Variants in TENM3 observed in about 807,000 individuals in gnomAD.
TENM3 encodes the protein teneurin-3.
Under a neutral mutation model 255.1 loss-of-function variants are expected in TENM3, and 63 were observed. That is an observed-to-expected ratio of 0.25 (90% CI 0.20 to 0.30). The LOEUF is 0.30. Ranked by LOEUF, TENM3 falls within the 10% of genes least tolerant of loss-of-function variation. The pLI is 1.00. For synonymous variants in TENM3, 1,306 were observed against 1,322.3 expected (o/e 0.99, Z 0.27); for missense variants, 2,929 against 3,461.1 (o/e 0.85, Z 3.86).
chr4:181,601,989 A>G, the TENM3 span, among the ~76,000 whole-genome samples: 1 of 152,084 alleles, frequency 6.6e-6, no homozygotes, highest in Non-Finnish European at 1.5e-5. Context: ...TGTAGGGTCC[A>G]CCCTAAATCT....
At chr4:182,413,208 G>T (rs1001970125) in intron 3 of TENM3, among the ~76,000 whole-genome samples, 1 of 152,100 alleles carries the variant, frequency 6.6e-6, no homozygotes, top group East Asian at 1.9e-4. Context: ...AATGGTTAAG[G>T]ATTTTTCAGA....
the TENM3 span, among the ~76,000 whole-genome samples, chr4:181,502,725 AGGAGT>A: frequency 6.6e-6 from 1 of 152,036 alleles, no homozygotes; most frequent in African/African-American, 2.4e-5. Context: ...AGAGGGAAGA[AGGAGT>A]GTAGCTAAGC....
chr4:181,970,978 C>T, the TENM3 span, among the ~76,000 whole-genome samples: 2 of 152,002 alleles, frequency 1.3e-5, no homozygotes, highest in Non-Finnish European at 2.9e-5. Flanking sequence ...GAAGGGGTCT[C>T]ACTCTATTGT....
intron 3 of TENM3, among the ~76,000 whole-genome samples, chr4:182,369,113 G>T (rs151016803): frequency 0.011 from 1,730 of 152,260 alleles, 18 homozygotes; most frequent in Non-Finnish European, 0.016. Flanking sequence ...AATTGCTAAG[G>T]ATTTTGGATG....
chr4:181,502,442 G>T, the TENM3 span, among the ~76,000 whole-genome samples: 18 of 152,202 alleles, frequency 1.2e-4, no homozygotes, highest in African/African-American at 4.1e-4. Context: ...CTTAATGGGA[G>T]GGTCTGGAGT....
intron 13 of TENM3, among the ~76,000 whole-genome samples, chr4:182,723,696 G>A (rs1192113122): frequency 2.6e-5 from 4 of 152,182 alleles, no homozygotes; most frequent in African/African-American, 7.2e-5. Flanking sequence ...AATCAAGAGT[G>A]ATGTGTAAAG....
At chr4:182,325,249 A>C (rs1004603354) in intron 2 of TENM3, among the ~76,000 whole-genome samples, 5 of 152,258 alleles carry the variant, frequency 3.3e-5, no homozygotes, top group Non-Finnish European at 5.9e-5. Flanking sequence ...GGGCAGGAAC[A>C]CATTTAAGAA....
chr4:182,410,586 A>G (rs1200038903), intron 3 of TENM3, among the ~76,000 whole-genome samples: 1 of 152,230 alleles, frequency 6.6e-6, no homozygotes, highest in Non-Finnish European at 1.5e-5. Flanking sequence ...GTTACACCAC[A>G]TTGCTGTAAT....
the TENM3 span, among the ~76,000 whole-genome samples, chr4:182,002,585 T>C: frequency 1.3e-5 from 2 of 152,088 alleles, no homozygotes; most frequent in South Asian, 4.2e-4. Flanking sequence ...TAAGACCAGG[T>C]TCCTACCTGT....
chr4:182,294,265 G>C (rs116300602), intron 1 of TENM3, among the ~76,000 whole-genome samples: 1 of 152,140 alleles, frequency 6.6e-6, no homozygotes, highest in African/African-American at 2.4e-5. Flanking sequence ...TAAGAATTCT[G>C]AGTGACACAT....
At chr4:182,714,334 A>C (rs202180926) in intron 13 of TENM3, 101 bp downstream of exon 13, 2 of 937,880 alleles carry the variant, frequency 2.1e-6, no homozygotes, top group East Asian at 2.8e-5. Flanking sequence ...AAAAAAAAAA[A>C]AAAAACCTGA....
At chr4:182,750,152 G>C (rs1184561310) in intron 19 of TENM3, among the ~76,000 whole-genome samples, 1 of 152,196 alleles carries the variant, frequency 6.6e-6, no homozygotes, top group African/African-American at 2.4e-5. Context: ...ACAGCAAGTT[G>C]ATCACTTGGC....
chr4:182,072,342 C>T, the TENM3 span, among the ~76,000 whole-genome samples: 6 of 152,212 alleles, frequency 3.9e-5, no homozygotes, highest in African/African-American at 7.2e-5. Flanking sequence ...GGGTGGACAC[C>T]GGCAGTCAGT....
the TENM3 span, among the ~76,000 whole-genome samples, chr4:181,550,716 A>T: frequency 6.6e-6 from 1 of 152,230 alleles, no homozygotes; most frequent in Non-Finnish European, 1.5e-5. Context: ...ATGTCATTAA[A>T]TACATTCCTC....
At chr4:182,250,490 G>A (rs918301014) in intron 1 of TENM3, among the ~76,000 whole-genome samples, 2 of 151,918 alleles carry the variant, frequency 1.3e-5, no homozygotes, top group Non-Finnish European at 1.5e-5. Context: ...AACACAACTC[G>A]TAAAGGATAG....
At chr4:181,468,999 T>G in the TENM3 span, among the ~76,000 whole-genome samples, 1 of 152,198 alleles carries the variant, frequency 6.6e-6, no homozygotes, top group Non-Finnish European at 1.5e-5. Context: ...ATGTCAGAAT[T>G]TTTTTCAGTA....
Position 182,800,048 on chromosome 4 carries a change from G to C in TENM3, c.7797G>C (p.Gln2599His). Residue 2599 changes from glutamine to histidine, a missense_variant, in exon 28 of 28, where the codon CAG becomes CAC. Gln to His is a conservative substitution (Grantham distance 24). This residue lies in a region of TENM3 where 476 missense variants were observed against 480.1 expected (regional missense o/e 0.99). Transcript: ENST00000511685. The stretch of plus-strand genomic sequence containing the variant: ...GCAGGTTCGCGGACGTGGAGATGCA[G>C]TTCGGCGCGCTGGCGCTGCACGTGC... ...RTRRFADVEM[Q>H]FGALALHVRY... The C allele has an allele frequency of 6.2e-7, 1 of 1,602,006 alleles. No individual in the cohort carries two copies. The highest frequency in any genetic ancestry group is 8.5e-7 in the Non-Finnish European group (1 of 1,175,266).
At chr4:181,498,644 G>T in the TENM3 span, among the ~76,000 whole-genome samples, 1 of 152,160 alleles carries the variant, frequency 6.6e-6, no homozygotes, top group Non-Finnish European at 1.5e-5. Flanking sequence ...CGTCTAATAG[G>T]ATGCAGTTAC....
At chr4:181,588,463 A>G in the TENM3 span, among the ~76,000 whole-genome samples, 1 of 152,126 alleles carries the variant, frequency 6.6e-6, no homozygotes, top group African/African-American at 2.4e-5. Context: ...TGTTCAGAAT[A>G]TTGTCATTAT....
Sources: allele counts gnomAD v4.1 joint callset (sites outside exome capture counted in the v4.1 genomes callset), GRCh38; gene constraint gnomAD v4.1.1; regional missense constraint gnomAD v4.1.1; transcripts MANE v1.5; gene names NCBI Gene and HGNC (gene_info 2026-07-23, HGNC 2026-07-21).